The following CPEB2 variants were observed in gnomAD, a reference collection of about 807,000 sequenced individuals.
The protein encoded by CPEB2 is cytoplasmic polyadenylation element binding protein 2, also known as cytoplasmic polyadenylation element-binding protein 2.
In CPEB2, 56 loss-of-function variants were observed where a neutral mutation model predicts 93.6. The ratio of observed to expected loss-of-function variants is 0.60; its 90% confidence interval spans 0.48 to 0.75. CPEB2 has a LOEUF of 0.75. Among genes scored for constraint, CPEB2 ranks in the 30% least tolerant of loss-of-function variants. The pLI, the probability that CPEB2 is intolerant of heterozygous loss-of-function variation, is 0.00. For synonymous variants in CPEB2, 764 were observed against 586.3 expected (o/e 1.30, Z -4.38); for missense variants, 1,579 against 1,395.1 (o/e 1.13, Z -2.10).
chr4:15,004,675 C>A (rs1338000759), intron 1 of CPEB2, among the ~76,000 whole-genome samples: 1 of 151,760 alleles, frequency 6.6e-6, no homozygotes, highest in East Asian at 2.0e-4. Context: ...CGCGGGCGGC[C>A]GGGCGCGGCG....
intron 8 of CPEB2, among the ~76,000 whole-genome samples, chr4:15,056,621 A>C (rs2702576): frequency 3.9e-5 from 6 of 151,904 alleles, no homozygotes; most frequent in Non-Finnish European, 8.8e-5. Flanking sequence ...AAGCAATTTT[A>C]TTATTTCTGT....
At chr4:15,031,474 T>C (rs1472193370) in intron 4 of CPEB2, among the ~76,000 whole-genome samples, 1 of 152,194 alleles carries the variant, frequency 6.6e-6, no homozygotes, top group African/African-American at 2.4e-5. Context: ...GATTGTGTAC[T>C]TCCCATATGT....
intron 6 of CPEB2, among the ~76,000 whole-genome samples, chr4:15,047,158 C>G (rs55733122): frequency 0.11 from 16,393 of 152,148 alleles, 1,659 homozygotes; most frequent in African/African-American, 0.25. Context: ...TTTACAGTCT[C>G]AATAACTATA....
At chr4:15,008,682 C>G (rs1577362337) in intron 3 of CPEB2, among the ~76,000 whole-genome samples, 1 of 152,036 alleles carries the variant, frequency 6.6e-6, no homozygotes, top group South Asian at 2.1e-4. Context: ...ATTATATACA[C>G]AAGAGCACCT....
Position 15,043,095 on chromosome 4 carries a change from C to G in CPEB2, c.2200+2608C>G, listed in dbSNP as rs868643629. Among the ~76,000 whole-genome samples, 22 of 152,132 alleles carry G rather than the reference C, an allele frequency of 1.4e-4. 1 individual carries two copies. The highest frequency in any genetic ancestry group is 4.4e-5 in the Non-Finnish European group (3 of 68,000). ...TGACTTTGACTTTTGTAGTCCTGTTCAGGAAGAACTGTTTTTCTTCTTTCA... is the reference window on the plus strand; with the variant it reads ...TGACTTTGACTTTTGTAGTCCTGTTGAGGAAGAACTGTTTTTCTTCTTTCA... On this transcript the variant is annotated intron_variant, in intron 6 of 11. Transcript: ENST00000538197.
chr4:15,003,310 C>A lies in CPEB2; in HGVS notation c.637C>A (p.Pro213Thr). 7.0e-7 allele frequency: 1 copy of A among 1,430,144 alleles called. No individual in the cohort carries two copies. The highest frequency in any genetic ancestry group is 1.5e-5 in the South Asian group (1 of 66,328). 88.6% of individuals were successfully genotyped at this position (1,430,144 alleles called of 1,614,324 possible). ...HCPGRFSPPP[P>T]PAGPLLQPAQ... Reference sequence around the variant, plus strand: ...CCCCGGTCGGTTCAGCCCGCCGCCGCCGCCAGCCGGCCCGCTCCTCCAGCC... The same window carrying A: ...CCCCGGTCGGTTCAGCCCGCCGCCGACGCCAGCCGGCCCGCTCCTCCAGCC... Residue 213 changes from proline to threonine, a missense_variant, in exon 1 of 12, where the codon CCG becomes ACG. Around this residue, in one of 2 missense-constraint regions of CPEB2, gnomAD observed 1,411 missense variants for 1,056.0 expected, o/e 1.34. Coordinates refer to ENST00000538197, the MANE Select transcript of CPEB2 (RefSeq NM_001177382.2).
chr4:15,024,184 C>G (rs1362946902), intron 4 of CPEB2, among the ~76,000 whole-genome samples: 1 of 151,916 alleles, frequency 6.6e-6, no homozygotes, highest in African/African-American at 2.4e-5. Context: ...TCCTATATAG[C>G]AGTCATTTTG....
At chr4:15,028,379 C>G (rs1333506877) in intron 4 of CPEB2, among the ~76,000 whole-genome samples, 1 of 151,392 alleles carries the variant, frequency 6.6e-6, no homozygotes, top group East Asian at 1.9e-4. Flanking sequence ...GCCACACATA[C>G]AAACACATGT....
intron 4 of CPEB2, among the ~76,000 whole-genome samples, chr4:15,024,417 T>C (rs1277088633): frequency 3.9e-5 from 6 of 152,198 alleles, no homozygotes; most frequent in Admixed American, 3.3e-4. Context: ...ATTAGCAATT[T>C]AGAATATTGA....
intron 11 of CPEB2, among the ~76,000 whole-genome samples, chr4:15,063,236 C>G (rs751775919): frequency 6.6e-6 from 1 of 151,826 alleles, no homozygotes; most frequent in Non-Finnish European, 1.5e-5. Context: ...TTGACTAGAC[C>G]ATGCATGCTA....
chr4:15,010,327 A>G (rs1162495469), intron 3 of CPEB2, among the ~76,000 whole-genome samples: 1 of 152,026 alleles, frequency 6.6e-6, no homozygotes, highest in Non-Finnish European at 1.5e-5. Flanking sequence ...CTTTTCCTCC[A>G]TGCTGCCCCA....
chr4:15,062,582 C>T (rs563706334), intron 11 of CPEB2, among the ~76,000 whole-genome samples: 1 of 152,118 alleles, frequency 6.6e-6, no homozygotes, highest in African/African-American at 2.4e-5. Context: ...TGGGATTGAA[C>T]CCCATTTCTA....
intron 10 of CPEB2, 82 bp downstream of exon 10, chr4:15,059,383 G>T: frequency 1.1e-6 from 1 of 898,794 alleles, no homozygotes; most frequent in South Asian, 1.5e-5. Context: ...GGAAGCTATT[G>T]TGTACATGAC....
intron 3 of CPEB2, among the ~76,000 whole-genome samples, chr4:15,009,061 T>C (rs1056431161): frequency 9.9e-5 from 15 of 152,218 alleles, no homozygotes; most frequent in Non-Finnish European, 1.5e-5. Context: ...ATGCTATCTT[T>C]CTTCCTGCAA....
chr4:15,014,026 AGTTT>A (rs939049090), intron 3 of CPEB2, among the ~76,000 whole-genome samples: 6 of 152,182 alleles, frequency 3.9e-5, no homozygotes, highest in South Asian at 2.1e-4. Flanking sequence ...ATTTATAGTT[AGTTT>A]AAGGATGTTT....
At chr4:15,042,079 G>GCATA (rs1727238070) in intron 6 of CPEB2, among the ~76,000 whole-genome samples, 1 of 152,118 alleles carries the variant, frequency 6.6e-6, no homozygotes, top group Non-Finnish European at 1.5e-5. Flanking sequence ...TTTTAGTAAT[G>GCATA]GAGCTTCAGT....
At chr4:15,011,795 A>G (rs1723520923) in intron 3 of CPEB2, among the ~76,000 whole-genome samples, 1 of 152,234 alleles carries the variant, frequency 6.6e-6, no homozygotes, top group South Asian at 2.1e-4. Flanking sequence ...GTCTTGGAAC[A>G]GTAATTGAGT....
intron 4 of CPEB2, among the ~76,000 whole-genome samples, chr4:15,021,284 A>G (rs140350609): frequency 1.3e-5 from 2 of 152,258 alleles, no homozygotes; most frequent in Middle Eastern, 3.4e-3. Context: ...CTTGGCAAAT[A>G]ATTTGCTTTT....
chr4:15,036,893 A>C (rs910442863), intron 5 of CPEB2, among the ~76,000 whole-genome samples: 1 of 152,204 alleles, frequency 6.6e-6, no homozygotes, highest in East Asian at 1.9e-4. Context: ...AGATGCTCTA[A>C]CTTGTATCTA....
Sources: gnomAD v4.1 joint callset for allele counts (sites outside exome capture counted in the v4.1 genomes callset) on GRCh38, gnomAD v4.1.1 for gene constraint, gnomAD v4.1.1 regional missense constraint, MANE v1.5 for transcripts, NCBI Gene and HGNC (gene_info 2026-07-23, HGNC 2026-07-21) for gene names.